GOLM2: variants seen among roughly 807,000 people sequenced by gnomAD.
GOLM2 encodes the protein protein GOLM2.
GOLM2 carries 26 observed loss-of-function variants against 55.9 expected under a neutral mutation model. That is an observed-to-expected ratio of 0.47 (90% CI 0.34 to 0.65). GOLM2 has a LOEUF of 0.65. Ranked by LOEUF, GOLM2 falls within the 30% of genes least tolerant of loss-of-function variation. The probability of loss-of-function intolerance (pLI) is 0.01; values close to 1 mark genes in which losing one functional copy is unlikely to be tolerated. For missense variants in GOLM2, 486 were observed against 531.8 expected (o/e 0.91, Z 0.85); for synonymous variants, 165 against 194.6 (o/e 0.85, Z 1.27).
At chr15:44,389,068 C>T (rs901824378) in intron 8 of GOLM2, among the ~76,000 whole-genome samples, 3 of 152,018 alleles carry the variant, frequency 2.0e-5, no homozygotes, top group African/African-American at 7.2e-5. Context: ...CTGCCTGCCT[C>T]GGCCTCCCAA....
chr15:44,376,796 G>A (rs2141190432), intron 6 of GOLM2, among the ~76,000 whole-genome samples: 1 of 148,226 alleles, frequency 6.7e-6, no homozygotes, highest in African/African-American at 2.6e-5. Context: ...TAATTTTTTA[G>A]GTATATAGTA....
chr15:44,306,459 A>G (rs1193543180), intron 1 of GOLM2, among the ~76,000 whole-genome samples: 2 of 152,144 alleles, frequency 1.3e-5, no homozygotes, highest in African/African-American at 2.4e-5. Context: ...AGTTTGACCT[A>G]TCTGGACCAT....
chr15:44,340,619 C>G (rs1462044978), intron 6 of GOLM2, among the ~76,000 whole-genome samples: 1 of 152,144 alleles, frequency 6.6e-6, no homozygotes, highest in Non-Finnish European at 1.5e-5. Context: ...ACCCAGGAAC[C>G]TGTTAGACAT....
intron 6 of GOLM2, among the ~76,000 whole-genome samples, chr15:44,362,488 A>T (rs2079248378): frequency 6.6e-6 from 1 of 151,520 alleles, no homozygotes; most frequent in East Asian, 1.9e-4. Flanking sequence ...CTTACAAGGG[A>T]CGTGAAGGAC....
intron 1 of GOLM2, among the ~76,000 whole-genome samples, chr15:44,301,312 T>C (rs966062002): frequency 1.2e-4 from 19 of 152,162 alleles, no homozygotes; most frequent in African/African-American, 4.1e-4. Context: ...TTCTCTCCTT[T>C]TTGAAACTTC....
At position 44,414,480 on chromosome 15, in the gene GOLM2, T is replaced by C. The variant is rs1166229494; in HGVS notation, c.*1074T>C. On this transcript the variant is annotated 3_prime_UTR_variant, in exon 10 of 10. Transcript: ENST00000299957. ...AAGTAATACCAGTACTGTTTAACTA[T>C]AGCCAGAACTGGCTAAAATTTTTAT... The C allele has an allele frequency of 3.3e-5, 5 of 152,254 alleles. No individual in the cohort carries two copies. The highest frequency in any genetic ancestry group is 4.8e-5 in the African/African-American group (2 of 41,472). The allele number at this position is 152,254 out of a possible 1,614,324, so 9.4% of individuals were successfully genotyped here. A position where few individuals can be genotyped will look rare whatever the true frequency, so the allele number is the denominator to read the frequency against.
chr15:44,413,305 ATATGTTG>A, intron 9 of GOLM2, 24 bp from the exon 10 acceptor site: 1 of 1,521,586 alleles, frequency 6.6e-7, no homozygotes, highest in East Asian at 2.3e-5. Flanking sequence ...TTAAAAAATA[ATATGTTG>A]ATACAAAATT....
intron 4 of GOLM2, among the ~76,000 whole-genome samples, chr15:44,333,888 TG>T (rs1321113624): frequency 6.6e-6 from 1 of 152,080 alleles, no homozygotes; most frequent in Admixed American, 6.6e-5. Flanking sequence ...GCTAATTTTT[TG>T]TATTTTTAGT....
At chr15:44,401,868 C>T (rs371553564) in intron 8 of GOLM2, among the ~76,000 whole-genome samples, 1 of 132,564 alleles carries the variant, frequency 7.5e-6, no homozygotes, top group African/African-American at 2.8e-5. Flanking sequence ...TCACTTTTGT[C>T]ACTCAGGCTG....
intron 8 of GOLM2, among the ~76,000 whole-genome samples, chr15:44,392,140 G>A (rs535026262): frequency 2.8e-4 from 42 of 151,752 alleles, no homozygotes; most frequent in African/African-American, 9.2e-4. Context: ...GTGAGCCACC[G>A]CACCCAGCTG....
chr15:44,288,747 T>G lies in GOLM2; in HGVS notation c.-283T>G, dbSNP rs2078697251. Reference sequence around the variant, plus strand: ...GCCTCCCAACCGTGAGGTGTTGGGTTTGGGGGACGCTGGCAGCTGGGTTCT... The same window carrying G: ...GCCTCCCAACCGTGAGGTGTTGGGTGTGGGGGACGCTGGCAGCTGGGTTCT... On this transcript the variant is annotated 5_prime_UTR_variant, in exon 1 of 10. Coordinates refer to ENST00000299957, the MANE Select transcript of GOLM2 (RefSeq NM_138423.4). 2.5e-5 allele frequency: 11 copies of G among 446,830 alleles called. No homozygotes were observed. Among genetic ancestry groups the G allele is most frequent in the Non-Finnish European group, 2.4e-5 (6 of 250,904 alleles). 27.7% of individuals were successfully genotyped at this position (446,830 alleles called of 1,614,324 possible).
At position 44,328,730 on chromosome 15, in the gene GOLM2, A is replaced by G; in HGVS notation, c.428A>G (p.Gln143Arg). Reference protein sequence around the residue: ...LRQEFLRQEDQLQDYRKNNTY... With the variant: ...LRQEFLRQEDRLQDYRKNNTY... ...CAGGAATTTCTTCGACAAGAAGACCAGCTTCAGGACTATAGGAAGAACAAT... is the reference window on the plus strand; with the variant it reads ...CAGGAATTTCTTCGACAAGAAGACCGGCTTCAGGACTATAGGAAGAACAAT... The change falls in exon 3 of 10, where the codon CAG becomes CGG. Residue 143 changes from glutamine (Q) to arginine (R), a missense_variant. Physicochemically the swap from Gln to Arg is conservative, Grantham distance 43. Transcript: ENST00000299957. 3.7e-6 allele frequency: 6 copies of G among 1,613,462 alleles called. No individual in the cohort carries two copies. The highest frequency in any genetic ancestry group is 5.1e-6 in the Non-Finnish European group (6 of 1,179,792).
At chr15:44,307,557 AT>A (rs1300293860) in intron 1 of GOLM2, 1 of 152,184 alleles carries the variant, frequency 6.6e-6, no homozygotes, top group Admixed American at 6.5e-5. Flanking sequence ...AAAACCATTT[AT>A]TGATATAGTG....
chr15:44,294,895 C>CA lies in GOLM2; in HGVS notation c.327+5552dup, dbSNP rs879342350. On this transcript the variant is annotated intron_variant, in intron 1 of 9. Coordinates refer to ENST00000299957, the MANE Select transcript of GOLM2 (RefSeq NM_138423.4). ...GGCAACAGAGTAAGACTCTGTCTCA[C>CA]AAAAAAAAAAAAAGAAACCAAGGTC... 2.1e-3 allele frequency among the ~76,000 whole-genome samples: 264 copies of CA among 123,356 alleles called. 2 individuals are homozygous for CA. Among genetic ancestry groups the CA allele is most frequent in the African/African-American group, 4.1e-3 (136 of 33,334 alleles). 80.9% of individuals were successfully genotyped at this position (123,356 alleles called of 152,430 possible).
At chr15:44,406,514 G>C (rs1427907887) in intron 9 of GOLM2, 1 of 152,180 alleles carries the variant, frequency 6.6e-6, no homozygotes, top group Admixed American at 6.6e-5. Context: ...TGCTGAATTA[G>C]AATAAATGAT....
intron 8 of GOLM2, among the ~76,000 whole-genome samples, chr15:44,397,931 G>A (rs951811212): frequency 6.6e-6 from 1 of 152,112 alleles, no homozygotes; most frequent in Admixed American, 6.5e-5. Flanking sequence ...GCTCCATTAT[G>A]ACATATATTC....
At chr15:44,331,494 C>CT (rs933394733) in intron 3 of GOLM2, among the ~76,000 whole-genome samples, 4 of 152,186 alleles carry the variant, frequency 2.6e-5, no homozygotes, top group Admixed American at 1.3e-4. Context: ...TGGCACCAGT[C>CT]TATCTTCTTT....
At chr15:44,411,892 C>T (rs1220840473) in intron 9 of GOLM2, among the ~76,000 whole-genome samples, 5 of 151,610 alleles carry the variant, frequency 3.3e-5, no homozygotes, top group Admixed American at 2.0e-4. Flanking sequence ...CATCAAAATA[C>T]TTTTCATTCT....
intron 6 of GOLM2, chr15:44,345,729 CT>C (rs1192050557): frequency 6.6e-6 from 1 of 152,086 alleles, no homozygotes; most frequent in Non-Finnish European, 1.5e-5. Flanking sequence ...TACTGACTTA[CT>C]TTGGGGGAAA....
Sources: allele counts gnomAD v4.1 joint callset (sites outside exome capture counted in the v4.1 genomes callset), GRCh38; gene constraint gnomAD v4.1.1; transcripts MANE v1.5; gene names NCBI Gene and HGNC (gene_info 2026-07-23, HGNC 2026-07-21).